Variants in LRP1B observed in about 807,000 individuals in gnomAD.
LRP1B encodes the protein low-density lipoprotein receptor-related protein 1B.
A neutral mutation model predicts 556.6 loss-of-function variants in LRP1B; 217 were observed. The observed-to-expected ratio is 0.39, with a 90% confidence interval of 0.35 to 0.44. The LOEUF (loss-of-function observed/expected upper bound fraction) is 0.44, where lower values mean the gene tolerates loss of function less well. LRP1B is among the 20% of genes least tolerant of loss of function. The pLI, the probability that LRP1B is intolerant of heterozygous loss-of-function variation, is 1.00. For synonymous variants in LRP1B, 2,047 were observed against 1,865.8 expected (o/e 1.10, Z -2.50); for missense variants, 5,053 against 5,620.8 (o/e 0.90, Z 3.23).
At chr2:140,340,299 C>T (rs576160859) in intron 77 of LRP1B, among the ~76,000 whole-genome samples, 2 of 151,642 alleles carry the variant, frequency 1.3e-5, no homozygotes, top group South Asian at 4.1e-4. Flanking sequence ...AAAATAAAGA[C>T]TTTGGATTAG....
At chr2:141,047,241 A>C (rs1698901805) in intron 11 of LRP1B, among the ~76,000 whole-genome samples, 2 of 152,094 alleles carry the variant, frequency 1.3e-5, no homozygotes, top group Admixed American at 6.6e-5. Flanking sequence ...CATCCAATTT[A>C]AAGTGAAAAT....
At chr2:141,635,824 T>C (rs923909585) in intron 2 of LRP1B, among the ~76,000 whole-genome samples, 5 of 152,172 alleles carry the variant, frequency 3.3e-5, no homozygotes, top group African/African-American at 7.2e-5. Context: ...ATATGTATAA[T>C]AACAAACTCA....
At chr2:142,030,429 C>T (rs1703651543) in intron 1 of LRP1B, among the ~76,000 whole-genome samples, 2 of 151,782 alleles carry the variant, frequency 1.3e-5, no homozygotes, top group South Asian at 2.1e-4. Flanking sequence ...TCATCCTTGG[C>T]TCATTATATA....
At chr2:141,333,618 T>C (rs1437116276) in intron 3 of LRP1B, among the ~76,000 whole-genome samples, 1 of 152,210 alleles carries the variant, frequency 6.6e-6, no homozygotes, top group Non-Finnish European at 1.5e-5. Context: ...ACAGCAGCTA[T>C]GTAGGTGGGT....
At chr2:141,920,005 G>A (rs1378694944) in intron 1 of LRP1B, among the ~76,000 whole-genome samples, 1 of 151,998 alleles carries the variant, frequency 6.6e-6, no homozygotes, top group Non-Finnish European at 1.5e-5. Flanking sequence ...TCAGAAACAA[G>A]CATTTCAAGA....
intron 1 of LRP1B, among the ~76,000 whole-genome samples, chr2:142,044,625 A>ATT (rs1010565804): frequency 9.9e-5 from 15 of 151,078 alleles, no homozygotes; most frequent in African/African-American, 3.6e-4. Context: ...TAAAAAGCAA[A>ATT]TTTTTTTTTG....
chr2:141,411,294 C>G (rs1161251299), intron 3 of LRP1B, among the ~76,000 whole-genome samples: 1 of 151,962 alleles, frequency 6.6e-6, no homozygotes, highest in Non-Finnish European at 1.5e-5. Flanking sequence ...ACAAAGGAAA[C>G]AAAACTTCTG....
intron 3 of LRP1B, among the ~76,000 whole-genome samples, chr2:141,430,444 T>G (rs1680521374): frequency 6.6e-6 from 1 of 151,962 alleles, no homozygotes; most frequent in African/African-American, 2.4e-5. Flanking sequence ...TGCAACAAAA[T>G]CTAAGGTAAT....
At chr2:141,812,074 A>G (rs1178232064) in intron 1 of LRP1B, among the ~76,000 whole-genome samples, 1 of 152,136 alleles carries the variant, frequency 6.6e-6, no homozygotes, top group East Asian at 1.9e-4. Context: ...TGAAATGGAA[A>G]TGGCATTCAG....
At chr2:141,860,811 G>A (rs1180808705) in intron 1 of LRP1B, among the ~76,000 whole-genome samples, 1 of 152,118 alleles carries the variant, frequency 6.6e-6, no homozygotes, top group Non-Finnish European at 1.5e-5. Context: ...ATTTTGATAT[G>A]TATCATTACA....
chr2:140,875,129 C>T (rs898821276), intron 25 of LRP1B, among the ~76,000 whole-genome samples: 3 of 151,976 alleles, frequency 2.0e-5, no homozygotes, highest in Non-Finnish European at 4.4e-5. Flanking sequence ...AAATTGCATT[C>T]CTGAAACCCA....
intron 43 of LRP1B, among the ~76,000 whole-genome samples, chr2:140,547,691 A>G (rs7585773): frequency 0.49 from 73,785 of 151,684 alleles, 18,205 homozygotes; most frequent in South Asian, 0.59. Flanking sequence ...AAATTATATG[A>G]GTGGAGGCAC....
At chr2:141,189,620 G>C (rs929684129) in intron 6 of LRP1B, among the ~76,000 whole-genome samples, 3 of 151,526 alleles carry the variant, frequency 2.0e-5, no homozygotes, top group African/African-American at 7.3e-5. Context: ...GATTAATTTG[G>C]CCTCAGCTTC....
chr2:140,511,262 TG>T (rs1051000795), intron 51 of LRP1B, among the ~76,000 whole-genome samples: 6 of 144,408 alleles, frequency 4.2e-5, no homozygotes, highest in African/African-American at 1.5e-4. Flanking sequence ...TGGTAAGCAG[TG>T]GGGTATCAAA....
intron 4 of LRP1B, among the ~76,000 whole-genome samples, chr2:141,249,449 T>C (rs551487497): frequency 4.1e-4 from 62 of 152,162 alleles, no homozygotes; most frequent in African/African-American, 8.4e-4. Context: ...ATACAAAAAT[T>C]AGCCAGGCAT....
intron 2 of LRP1B, among the ~76,000 whole-genome samples, chr2:141,768,814 T>C (rs1393733645): frequency 6.6e-6 from 1 of 152,164 alleles, no homozygotes; most frequent in Non-Finnish European, 1.5e-5. Flanking sequence ...TATAGTTATA[T>C]AGTTATTATA....
At chr2:142,107,803 T>A (rs1706807318) in intron 1 of LRP1B, among the ~76,000 whole-genome samples, 1 of 146,074 alleles carries the variant, frequency 6.8e-6, no homozygotes, top group East Asian at 2.0e-4. Context: ...AATTTTTTTT[T>A]TTTTTTTTTT....
chr2:141,741,519 T>G (rs1195098837), intron 2 of LRP1B, among the ~76,000 whole-genome samples: 1 of 152,110 alleles, frequency 6.6e-6, no homozygotes, highest in African/African-American at 2.4e-5. Context: ...CTTATTGTAG[T>G]TTTGATTTGC....
In LRP1B at chr2:141,005,310, T is replaced by C. The variant is rs1243316760; in HGVS notation, c.2503+25A>G. 3.7e-6 allele frequency: 6 copies of C among 1,606,200 alleles called. No homozygotes were observed. The African/African-American group carries it at 6.7e-5, about 18-fold the overall frequency. On this transcript the variant is annotated intron_variant, in intron 15 of 90. Coordinates refer to ENST00000389484, the MANE Select transcript of LRP1B (RefSeq NM_018557.3). ...CTTCAGAAAGAGCCCGATAAACAAA[T>C]AAGGGTAACTTGAAAAGAACTTACA...
Sources: allele counts gnomAD v4.1 joint callset (sites outside exome capture counted in the v4.1 genomes callset), GRCh38; gene constraint gnomAD v4.1.1; transcripts MANE v1.5; gene names NCBI Gene and HGNC (gene_info 2026-07-23, HGNC 2026-07-21).